The following NRXN3 variants were observed in gnomAD, a reference collection of about 807,000 sequenced individuals.
NRXN3 encodes the protein neurexin 3.
Under a neutral mutation model 137.6 loss-of-function variants are expected in NRXN3, and 32 were observed. The ratio of observed to expected loss-of-function variants is 0.23; its 90% CI spans 0.18 to 0.31. The LOEUF is 0.31. Ranked by LOEUF, NRXN3 falls within the 10% of genes least tolerant of loss-of-function variation. The pLI, the probability that NRXN3 is intolerant of heterozygous loss-of-function variation, is 1.00. For synonymous variants in NRXN3, 798 were observed against 784.5 expected, an observed-to-expected ratio of 1.02 and a Z score of -0.29; for missense variants, 1,574 against 2,062.5, an observed-to-expected ratio of 0.76 and a Z score of 4.59.
At chr14:78,998,555 A>G (rs2099534871) in intron 15 of NRXN3, among the ~76,000 whole-genome samples, 1 of 152,084 alleles carries the variant, frequency 6.6e-6, no homozygotes, top group African/African-American at 2.4e-5. Context: ...GTCTCTATCA[A>G]GTATTTATTA....
At chr14:78,652,496 G>A (rs1280567220) in intron 6 of NRXN3, among the ~76,000 whole-genome samples, 2 of 152,216 alleles carry the variant, frequency 1.3e-5, no homozygotes, top group East Asian at 1.9e-4. Flanking sequence ...CTTCATTGCC[G>A]AAGATATCTA....
chr14:79,618,707 A>G (rs989223889), intron 16 of NRXN3, among the ~76,000 whole-genome samples: 1 of 152,264 alleles, frequency 6.6e-6, no homozygotes. Flanking sequence ...TCCTTTGGGT[A>G]TAAACCTAGT....
chr14:79,338,572 C>T (rs2153354410), intron 15 of NRXN3, among the ~76,000 whole-genome samples: 1 of 152,018 alleles, frequency 6.6e-6, no homozygotes, highest in African/African-American at 2.4e-5. Flanking sequence ...CCACTGTCAG[C>T]CCATTAGATA....
intron 8 of NRXN3, among the ~76,000 whole-genome samples, chr14:78,771,943 A>G (rs758523529): frequency 6.6e-6 from 1 of 152,318 alleles, no homozygotes; most frequent in East Asian, 1.9e-4. Context: ...GGATATTTAC[A>G]TGTACATAAT....
chr14:79,561,343 A>G (rs1047199746), intron 16 of NRXN3, among the ~76,000 whole-genome samples: 1 of 152,198 alleles, frequency 6.6e-6, no homozygotes, highest in Non-Finnish European at 1.5e-5. Context: ...CAGCAAAGCC[A>G]TATTGTGATG....
Position 79,385,860 on chromosome 14 carries a change from G to T in NRXN3, c.3263-81361G>T, listed in dbSNP as rs192275578. On this transcript the variant is annotated intron_variant, in intron 15 of 20. Transcript: ENST00000335750. ...ACAGAACCAAAGACAAAAACCACAT[G>T]ATTATCTCAATAGATGCAGAAAAGG... 9.7e-4 allele frequency among the ~76,000 whole-genome samples: 148 copies of T among 152,274 alleles called. 1 individual carries two copies. The highest frequency in any genetic ancestry group is 3.5e-3 in the African/African-American group (145 of 41,570).
intron 4 of NRXN3, among the ~76,000 whole-genome samples, chr14:78,532,177 C>T (rs1396577552): frequency 2.8e-5 from 4 of 144,700 alleles, no homozygotes; most frequent in African/African-American, 5.0e-5. Context: ...TAGCCAAGTG[C>T]GCGCGTGGTG....
At chr14:78,610,436 G>A (rs1193901203) in intron 4 of NRXN3, among the ~76,000 whole-genome samples, 1 of 152,198 alleles carries the variant, frequency 6.6e-6, no homozygotes, top group Non-Finnish European at 1.5e-5. Flanking sequence ...AAAGAATCAG[G>A]TTTCTAGGTC....
At chr14:78,908,960 A>T (rs560120849) in intron 10 of NRXN3, among the ~76,000 whole-genome samples, 3 of 152,170 alleles carry the variant, frequency 2.0e-5, no homozygotes, top group Non-Finnish European at 4.4e-5. Flanking sequence ...GAAAACATTC[A>T]TCTTGTTCAT....
intron 15 of NRXN3, among the ~76,000 whole-genome samples, chr14:79,180,293 G>A (rs2153125656): frequency 6.6e-6 from 1 of 152,300 alleles, no homozygotes; most frequent in Middle Eastern, 3.4e-3. Context: ...CTGCTTTATA[G>A]TGATAAACGT....
chr14:79,617,264 G>A (rs1306386327), intron 16 of NRXN3, among the ~76,000 whole-genome samples: 1 of 151,470 alleles, frequency 6.6e-6, no homozygotes, highest in African/African-American at 2.4e-5. Context: ...ACATTCAGAG[G>A]TAGAATTACT....
intron 4 of NRXN3, among the ~76,000 whole-genome samples, chr14:78,532,567 T>A (rs2096482827): frequency 6.6e-6 from 1 of 151,922 alleles, no homozygotes; most frequent in African/African-American, 2.4e-5. Context: ...ATTCTCTCTC[T>A]CCACACTCAC....
chr14:78,894,429 G>C (rs983675491), intron 10 of NRXN3, among the ~76,000 whole-genome samples: 1 of 151,814 alleles, frequency 6.6e-6, no homozygotes, highest in Non-Finnish European at 1.5e-5. Context: ...GTTTTATCAT[G>C]AGATGGCAGC....
intron 19 of NRXN3, among the ~76,000 whole-genome samples, chr14:79,765,707 T>C (rs189831436): frequency 1.2e-4 from 19 of 152,196 alleles, no homozygotes; most frequent in Admixed American, 2.6e-4. Flanking sequence ...ATATTGACCA[T>C]ATGGATGAAT....
intron 19 of NRXN3, among the ~76,000 whole-genome samples, chr14:79,787,313 A>G (rs1368143902): frequency 1.3e-5 from 2 of 152,174 alleles, no homozygotes; most frequent in African/African-American, 2.4e-5. Context: ...TGATGTTTCA[A>G]TGTCTATATT....
intron 19 of NRXN3, among the ~76,000 whole-genome samples, chr14:79,771,601 A>T (rs1314648777): frequency 6.8e-6 from 1 of 147,558 alleles, no homozygotes; most frequent in African/African-American, 2.5e-5. Context: ...ACTCTCAATA[A>T]ATTAGGTATT....
intron 4 of NRXN3, among the ~76,000 whole-genome samples, chr14:78,481,695 T>C (rs1253909436): frequency 1.3e-5 from 2 of 152,184 alleles, no homozygotes; most frequent in Non-Finnish European, 2.9e-5. Context: ...TTCAAGCCTT[T>C]TTATCTTCAT....
chr14:79,384,354 G>T (rs1365372582), intron 15 of NRXN3, among the ~76,000 whole-genome samples: 1 of 152,140 alleles, frequency 6.6e-6, no homozygotes, highest in African/African-American at 2.4e-5. Context: ...TAATGGAAAC[G>T]TGGGAAAAGG....
chr14:78,749,963 C>G (rs1274880531), intron 8 of NRXN3, among the ~76,000 whole-genome samples: 1 of 152,212 alleles, frequency 6.6e-6, no homozygotes, highest in Non-Finnish European at 1.5e-5. Flanking sequence ...ATCTGAAGAT[C>G]AGGCTGCATT....
Sources: allele counts gnomAD v4.1 joint callset (sites outside exome capture counted in the v4.1 genomes callset), GRCh38; gene constraint gnomAD v4.1.1; transcripts MANE v1.5; gene names NCBI Gene and HGNC (gene_info 2026-07-23, HGNC 2026-07-21).